PHF21B: variants seen among roughly 807,000 people sequenced by gnomAD.
The protein encoded by PHF21B is PHD finger protein 4.
PHF21B carries 22 observed loss-of-function variants against 62.2 expected under a neutral mutation model. The observed-to-expected ratio is 0.35, with a 90% CI of 0.25 to 0.51. The LOEUF is 0.51. PHF21B is among the 20% of genes least tolerant of loss of function. The probability of loss-of-function intolerance (pLI) is 0.97; values close to 1 mark genes in which losing one functional copy is unlikely to be tolerated. For synonymous variants in PHF21B, 341 were observed against 314.7 expected, an observed-to-expected ratio of 1.08 and a Z score of -0.88; for missense variants, 701 against 707.9, an observed-to-expected ratio of 0.99 and a Z score of 0.11.
Position 44,927,598 on chromosome 22 carries a change from C to T in PHF21B, c.121-7108G>A, listed in dbSNP as rs1171854953. On this transcript the variant is annotated intron_variant, in intron 2 of 12. Transcript: ENST00000313237. ...CTGCCATCCCCTTCCAACAACCGTCCATTCTCCGCCAATGCTAAGCTAGCT... is the reference window on the plus strand; with the variant it reads ...CTGCCATCCCCTTCCAACAACCGTCTATTCTCCGCCAATGCTAAGCTAGCT... Among the ~76,000 whole-genome samples, 3 of 152,332 alleles carry T rather than the reference C, an allele frequency of 2.0e-5. No homozygotes were observed. The East Asian group carries it at 5.8e-4, about 29-fold the overall frequency.
intron 5 of PHF21B, among the ~76,000 whole-genome samples, chr22:44,903,160 G>A (rs1021265637): frequency 1.3e-5 from 2 of 152,314 alleles, no homozygotes; most frequent in East Asian, 1.9e-4. Flanking sequence ...CCCTCCTCCA[G>A]CACATTCTCT....
intron 2 of PHF21B, among the ~76,000 whole-genome samples, chr22:44,935,352 C>CG (rs373917447): frequency 5.6e-4 from 85 of 152,152 alleles, no homozygotes; most frequent in African/African-American, 2.0e-3. Context: ...CGGTGGCTCA[C>CG]GCCTGTAATC....
At chr22:44,918,065 T>A (rs1366827211) in intron 3 of PHF21B, among the ~76,000 whole-genome samples, 2 of 152,200 alleles carry the variant, frequency 1.3e-5, no homozygotes, top group Non-Finnish European at 2.9e-5. Flanking sequence ...AGGGCCTTTG[T>A]CCCCCAATGC....
Position 44,961,562 on chromosome 22 carries a change from T to C in PHF21B, c.121-41072A>G, listed in dbSNP as rs146526299. Among the ~76,000 whole-genome samples, 244 of 152,202 alleles carry C rather than the reference T, an allele frequency of 1.6e-3. 1 individual carries two copies. Among genetic ancestry groups the C allele is most frequent in the African/African-American group, 5.5e-3 (230 of 41,528 alleles). On this transcript the variant is annotated intron_variant, in intron 2 of 12. Coordinates refer to ENST00000313237, the MANE Select transcript of PHF21B (RefSeq NM_138415.5). ...TTGCTTAGGATAATGGCCTACAGGC[T>C]GGGCGTGGTGGCTCATGCCTATAAT...
intron 2 of PHF21B, among the ~76,000 whole-genome samples, chr22:44,969,787 C>T (rs573688385): frequency 1.3e-5 from 2 of 152,330 alleles, no homozygotes; most frequent in South Asian, 4.1e-4. Flanking sequence ...AGACTTTCCG[C>T]TATCTCACCT....
chr22:44,992,781 C>T (rs1020696813), intron 2 of PHF21B, among the ~76,000 whole-genome samples: 5 of 152,122 alleles, frequency 3.3e-5, no homozygotes, highest in African/African-American at 9.7e-5. Context: ...ACGGGAGTGG[C>T]GACCTGACGC....
chr22:44,983,705 T>A (rs1402143083), intron 2 of PHF21B, among the ~76,000 whole-genome samples: 1 of 152,162 alleles, frequency 6.6e-6, no homozygotes, highest in Non-Finnish European at 1.5e-5. Flanking sequence ...ACCAATCACA[T>A]AAAATGTTAA....
At chr22:44,958,323 T>C (rs528686565) in intron 2 of PHF21B, among the ~76,000 whole-genome samples, 1 of 152,338 alleles carries the variant, frequency 6.6e-6, no homozygotes, top group African/African-American at 2.4e-5. Context: ...CCCTGTGCTC[T>C]GGAATTTCAT....
intron 2 of PHF21B, among the ~76,000 whole-genome samples, chr22:44,942,967 C>A (rs2071988559): frequency 6.7e-6 from 1 of 148,630 alleles, no homozygotes; most frequent in Non-Finnish European, 1.5e-5. Flanking sequence ...GAGGCAGGGA[C>A]CCACAGGCGG....
At chr22:44,998,327 G>T (rs1390931806) in intron 2 of PHF21B, among the ~76,000 whole-genome samples, 1 of 152,196 alleles carries the variant, frequency 6.6e-6, no homozygotes, top group South Asian at 2.1e-4. Context: ...GCCCTCTGGG[G>T]CCAGCGGCTT....
intron 2 of PHF21B, among the ~76,000 whole-genome samples, chr22:44,983,935 C>T (rs1381195460): frequency 6.6e-6 from 1 of 151,708 alleles, no homozygotes; most frequent in Non-Finnish European, 1.5e-5. Context: ...AAGGCATGTA[C>T]TCTGAGGAAC....
Position 44,979,828 on chromosome 22 carries a change from G to A in PHF21B, c.120+28717C>T, listed in dbSNP as rs1235201351. On this transcript the variant is annotated intron_variant, in intron 2 of 12. Coordinates refer to ENST00000313237, the MANE Select transcript of PHF21B (RefSeq NM_138415.5). ...TCACTTCTGTAATCCTAGCACTTTG[G>A]GAGGCTGAGGCAGGGGGATCATTTG... 2.0e-5 allele frequency among the ~76,000 whole-genome samples: 3 copies of A among 151,306 alleles called. No homozygotes were observed. The East Asian group carries it at 5.8e-4, about 29-fold the overall frequency.
In PHF21B at chr22:45,009,527, T is replaced by G. The variant is rs943495792; in HGVS notation, c.23A>C (p.Glu8Ala). The change falls in exon 1 of 13, where the codon GAG becomes GCG. Residue 8 changes from glutamate to alanine, a missense_variant. By Grantham distance (107) the Glu-to-Ala change is moderately radical. Transcript: ENST00000313237. The surrounding 1 kb of genome is among the most constrained non-coding windows in gnomAD (Gnocchi z 5.9). ...GCGCGCGAGTTCCACGGCGAGCGCCTCGGGCCGGCTCTGCAGCTCCATCCC... is the reference window on the plus strand; with the variant it reads ...GCGCGCGAGTTCCACGGCGAGCGCCGCGGGCCGGCTCTGCAGCTCCATCCC... Reference protein sequence around the residue: MELQSRPEALAVELARHQ... With the variant: MELQSRPAALAVELARHQ... The G allele has an allele frequency of 1.5e-5, 24 of 1,570,064 alleles. No homozygotes were observed. The African/African-American group carries it at 3.1e-4, about 20-fold the overall frequency.
chr22:45,005,856 A>G (rs1379847387), intron 2 of PHF21B, among the ~76,000 whole-genome samples: 2 of 152,218 alleles, frequency 1.3e-5, no homozygotes. Flanking sequence ...TGAGTTAAAT[A>G]AACAAACTGT....
chr22:44,935,538 C>T (rs1475101030), intron 2 of PHF21B, among the ~76,000 whole-genome samples: 7 of 152,030 alleles, frequency 4.6e-5, no homozygotes, highest in African/African-American at 1.4e-4. Flanking sequence ...GGCGTGAACC[C>T]GGGAGGTGGA....
chr22:44,977,045 G>A (rs9614998), intron 2 of PHF21B, among the ~76,000 whole-genome samples: 13 of 151,920 alleles, frequency 8.6e-5, no homozygotes, highest in African/African-American at 3.1e-4. Flanking sequence ...ACCTGGGCCC[G>A]AGAGGGTGAG....
chr22:44,904,034 C>T (rs1269111104), intron 5 of PHF21B, among the ~76,000 whole-genome samples: 1 of 151,522 alleles, frequency 6.6e-6, no homozygotes. Context: ...AAAAGCTCCA[C>T]ATTCACTTTT....
At chr22:44,928,361 C>T (rs535363061) in intron 2 of PHF21B, among the ~76,000 whole-genome samples, 13 of 152,322 alleles carry the variant, frequency 8.5e-5, no homozygotes, top group Admixed American at 3.3e-4. Context: ...TTGTGGGTCT[C>T]TTCTGCCTCT....
chr22:44,956,752 GCTTT>G (rs1453217990), intron 2 of PHF21B, among the ~76,000 whole-genome samples: 4 of 152,134 alleles, frequency 2.6e-5, no homozygotes, highest in African/African-American at 4.8e-5. Context: ...CCAAGGCAGT[GCTTT>G]CTGTTTCTGG....
Sources: allele counts gnomAD v4.1 joint callset (sites outside exome capture counted in the v4.1 genomes callset), GRCh38; gene constraint gnomAD v4.1.1; non-coding constraint Gnocchi (gnomAD v3.1); transcripts MANE v1.5; gene names NCBI Gene and HGNC (gene_info 2026-07-23, HGNC 2026-07-21).